The following TRDN variants were observed in gnomAD, a reference collection of about 807,000 sequenced individuals.
TRDN encodes the protein triadin.
TRDN carries 161 observed loss-of-function variants against 149.7 expected under a neutral mutation model. The ratio of observed to expected loss-of-function variants is 1.08; its 90% CI spans 0.95 to 1.23. TRDN has a LOEUF of 1.23. Ranked by LOEUF, TRDN falls within the 50% of genes most tolerant of loss-of-function variation. TRDN has a pLI of 0.00. For missense variants in TRDN, 896 were observed against 823.5 expected, an observed-to-expected ratio of 1.09 and a Z score of -1.08; for synonymous variants, 294 against 250.5, an observed-to-expected ratio of 1.17 and a Z score of -1.64.
chr6:123,334,148 G>C (rs1181034151), intron 22 of TRDN, among the ~76,000 whole-genome samples: 4 of 151,932 alleles, frequency 2.6e-5, no homozygotes, highest in African/African-American at 9.7e-5. Flanking sequence ...TTCTAGCTTT[G>C]AATTGTTGAG....
intron 24 of TRDN, among the ~76,000 whole-genome samples, chr6:123,304,254 T>TTTC (rs1242664935): frequency 0.03 from 460 of 15,186 alleles, 3 homozygotes; most frequent in African/African-American, 0.067. Flanking sequence ...TTTATTTTCT[T>TTTC]TTTTTTTTTT....
intron 32 of TRDN, among the ~76,000 whole-genome samples, chr6:123,266,665 G>GTATTATAATA (rs1562237747): frequency 0.73 from 3,030 of 4,128 alleles, 1,328 homozygotes; most frequent in South Asian, 0.85. Flanking sequence ...TGTATAATAT[G>GTATTATAATA]TATATATTAT....
intron 20 of TRDN, among the ~76,000 whole-genome samples, chr6:123,358,469 G>C (rs946897522): frequency 2.0e-5 from 3 of 151,264 alleles, no homozygotes; most frequent in African/African-American, 7.3e-5. Context: ...GTATTAGCAG[G>C]TACTTTTTTT....
intron 20 of TRDN, among the ~76,000 whole-genome samples, chr6:123,355,828 G>A (rs1032044198): frequency 9.2e-5 from 14 of 151,642 alleles, no homozygotes; most frequent in Non-Finnish European, 8.9e-5. Context: ...AGATCTTCAA[G>A]AACATTATGC....
chr6:123,496,861 G>A (rs1429006650), intron 9 of TRDN, among the ~76,000 whole-genome samples: 1 of 151,970 alleles, frequency 6.6e-6, no homozygotes, highest in Non-Finnish European at 1.5e-5. Context: ...ATTGTCGTGG[G>A]TCTTTTCTTC....
intron 9 of TRDN, among the ~76,000 whole-genome samples, chr6:123,487,478 T>C (rs1021337579): frequency 1.5e-4 from 23 of 152,130 alleles, no homozygotes; most frequent in African/African-American, 4.8e-4. Flanking sequence ...GACACACCAG[T>C]TTTGGCCATA....
At position 123,570,465 on chromosome 6, in the gene TRDN, G is replaced by A. The variant is rs539672655; in HGVS notation, c.232+458C>T. The stretch of plus-strand genomic sequence containing the variant: ...GGTGGCAGAAGCAAAGAGTTTGTCT[G>A]GCAAGGACACTTAGGACCAGATGAC... On this transcript the variant is annotated intron_variant, in intron 2 of 40. Transcript: ENST00000334268. Among the ~76,000 whole-genome samples the A allele has an allele frequency of 2.6e-5, 4 of 152,284 alleles. No homozygotes were observed. In the East Asian group the frequency reaches 7.7e-4, roughly 29 times the overall value.
chr6:123,597,581 T>C (rs898085254), intron 1 of TRDN, among the ~76,000 whole-genome samples: 1 of 152,088 alleles, frequency 6.6e-6, no homozygotes, highest in Non-Finnish European at 1.5e-5. Flanking sequence ...AGTCCATCGA[T>C]GCAGCAAACT....
intron 24 of TRDN, among the ~76,000 whole-genome samples, chr6:123,283,855 A>G (rs189495808): frequency 1.3e-5 from 2 of 149,226 alleles, no homozygotes; most frequent in African/African-American, 4.9e-5. Context: ...GATATACCCA[A>G]TTCTTTAAAT....
At chr6:123,572,001 A>C (rs970880578) in intron 1 of TRDN, among the ~76,000 whole-genome samples, 2 of 152,158 alleles carry the variant, frequency 1.3e-5, no homozygotes, top group Non-Finnish European at 2.9e-5. Flanking sequence ...TTCCTGGGAC[A>C]AATAACATAA....
intron 3 of TRDN, 22 bp from the exon 4 acceptor site, chr6:123,547,394 A>C: frequency 7.2e-7 from 1 of 1,380,450 alleles, no homozygotes; most frequent in Non-Finnish European, 9.6e-7. Context: ...TTAAAAGAAA[A>C]ACAAAGTTAG....
At chr6:123,348,655 C>T (rs1191947911) in intron 21 of TRDN, among the ~76,000 whole-genome samples, 1 of 152,062 alleles carries the variant, frequency 6.6e-6, no homozygotes, top group Non-Finnish European at 1.5e-5. Context: ...TTGTAATATA[C>T]TTTCTATTAA....
chr6:123,264,940 T>C (rs1229873234), intron 33 of TRDN, among the ~76,000 whole-genome samples: 1 of 152,074 alleles, frequency 6.6e-6, no homozygotes, highest in Admixed American at 6.6e-5. Context: ...AATCTTTATG[T>C]GCACTGGGAA....
At chr6:123,502,269 A>T (rs1778731308) in intron 8 of TRDN, 1 of 935,518 alleles carries the variant, frequency 1.1e-6, no homozygotes, top group African/African-American at 1.8e-5. Flanking sequence ...TACTTACTTC[A>T]TCCTTTTTGT....
At chr6:123,570,549 T>C (rs189921440) in intron 2 of TRDN, among the ~76,000 whole-genome samples, 59 of 152,264 alleles carry the variant, frequency 3.9e-4, no homozygotes, top group Non-Finnish European at 1.6e-4. Flanking sequence ...TTTTGATTGG[T>C]TTGGTTTTAT....
At chr6:123,323,506 A>C (rs183751308) in intron 23 of TRDN, among the ~76,000 whole-genome samples, 2 of 152,298 alleles carry the variant, frequency 1.3e-5, no homozygotes, top group East Asian at 3.9e-4. Context: ...ATGGTTGATA[A>C]GTTTCTGTAG....
At chr6:123,453,533 A>T (rs1775916270) in intron 10 of TRDN, among the ~76,000 whole-genome samples, 1 of 152,220 alleles carries the variant, frequency 6.6e-6, no homozygotes, top group Non-Finnish European at 1.5e-5. Context: ...ATGATCAAGG[A>T]AATGCAAATC....
At chr6:123,604,615 T>G (rs1445902335) in intron 1 of TRDN, among the ~76,000 whole-genome samples, 3 of 151,840 alleles carry the variant, frequency 2.0e-5, no homozygotes, top group Non-Finnish European at 4.4e-5. Context: ...AAATCTAGGG[T>G]TTTTGTGATA....
At chr6:123,563,526 A>G (rs1229450745) in intron 2 of TRDN, among the ~76,000 whole-genome samples, 2 of 152,260 alleles carry the variant, frequency 1.3e-5, no homozygotes, top group South Asian at 2.1e-4. Context: ...ATCTATGCGT[A>G]TAATAAGAAA....
Sources: allele counts gnomAD v4.1 joint callset (sites outside exome capture counted in the v4.1 genomes callset), GRCh38; gene constraint gnomAD v4.1.1; transcripts MANE v1.5; gene names NCBI Gene and HGNC (gene_info 2026-07-23, HGNC 2026-07-21).